SEMA4D: variants seen among roughly 807,000 people sequenced by gnomAD.
SEMA4D encodes the protein semaphorin-4D.
Under a neutral mutation model 74.8 loss-of-function variants are expected in SEMA4D, and 22 were observed. The observed-to-expected ratio is 0.29, with a 90% CI of 0.21 to 0.42. The LOEUF (loss-of-function observed/expected upper bound fraction) is 0.42, where lower values mean the gene tolerates loss of function less well. Ranked by LOEUF, SEMA4D falls within the 10% of genes least tolerant of loss-of-function variation. The probability of loss-of-function intolerance (pLI) is 1.00; values close to 1 mark genes in which losing one functional copy is unlikely to be tolerated. For missense variants in SEMA4D, 937 were observed against 1,118.4 expected, an observed-to-expected ratio of 0.84 and a Z score of 2.31; for synonymous variants, 445 against 463.7, an observed-to-expected ratio of 0.96 and a Z score of 0.52.
intron 2 of SEMA4D, chr9:89,449,441 G>A (rs563584792): frequency 7.5e-5 from 46 of 614,262 alleles, no homozygotes; most frequent in South Asian, 5.6e-4. Context: ...CTAAGTTCGC[G>A]GCTTTCGCTG....
intron 1 of SEMA4D, among the ~76,000 whole-genome samples, chr9:89,464,616 A>G (rs1353972688): frequency 6.6e-6 from 1 of 152,210 alleles, no homozygotes; most frequent in Non-Finnish European, 1.5e-5. Context: ...GACACTGAGG[A>G]CAGGGTTCAA....
chr9:89,388,615 GC>G lies in SEMA4D; in HGVS notation c.1107+20del. 2.5e-6 allele frequency: 4 copies of G among 1,584,678 alleles called. No individual in the cohort carries two copies. The highest frequency in any genetic ancestry group is 1.8e-5 in the Admixed American group (1 of 54,290). ...GGGCCTTGAAGGGAAAGCACGGCCC[GC>G]CCCCAGTGCCCCAGCTCACCGCTCC... is the stretch of plus-strand genomic sequence containing the variant. On this transcript the variant is annotated intron_variant, in intron 11 of 15. Transcript: ENST00000422704.
At chr9:89,364,687 G>A (rs1833316280) in intron 16 of SEMA4D, 1 of 154,414 alleles carries the variant, frequency 6.5e-6, no homozygotes, top group East Asian at 1.9e-4. Flanking sequence ...AAGTAGAGAG[G>A]CCAGTTACTT....
chr9:89,410,474 A>G (rs535556143), intron 2 of SEMA4D, among the ~76,000 whole-genome samples: 1 of 152,318 alleles, frequency 6.6e-6, no homozygotes, highest in South Asian at 2.1e-4. Flanking sequence ...CACAACCTGG[A>G]AAATGGAAGC....
intron 13 of SEMA4D, chr9:89,384,543 A>G (rs1837973701): frequency 1.9e-6 from 1 of 517,326 alleles, no homozygotes; most frequent in Admixed American, 6.4e-5. Flanking sequence ...GATGAAAAGC[A>G]CCCTGCAGAC....
chr9:89,410,605 A>G (rs2133909565), intron 2 of SEMA4D, among the ~76,000 whole-genome samples: 1 of 152,378 alleles, frequency 6.6e-6, no homozygotes, highest in South Asian at 2.1e-4. Flanking sequence ...TGGACGATCC[A>G]TTCAGGAGTC....
At position 89,386,497 on chromosome 9, in the gene SEMA4D, C is replaced by A. The variant is rs377195320; in HGVS notation, c.1331-15G>T. The A allele has an allele frequency of 3.1e-6, 5 of 1,596,368 alleles. No homozygotes were observed. In the African/African-American group the frequency reaches 6.7e-5, roughly 21 times the overall value. On this transcript the variant is annotated splice_polypyrimidine_tract_variant and intron_variant, in intron 12 of 15. Transcript: ENST00000422704. The stretch of plus-strand genomic sequence containing the variant: ...AGCTCCCCGGTCTGCAGGGCCAAAG[C>A]TACAGGTCAGTGACACTAACCCAGA...
chr9:89,454,376 G>C (rs1855423103), intron 2 of SEMA4D, among the ~76,000 whole-genome samples: 1 of 152,146 alleles, frequency 6.6e-6, no homozygotes, highest in Non-Finnish European at 1.5e-5. Flanking sequence ...GTGTGGACGT[G>C]GCTGAGGCTC....
At chr9:89,419,792 C>T (rs1437260214) in intron 2 of SEMA4D, among the ~76,000 whole-genome samples, 1 of 151,990 alleles carries the variant, frequency 6.6e-6, no homozygotes, top group Non-Finnish European at 1.5e-5. Context: ...TGGTGCGCAC[C>T]TGTCATCCCA....
At chr9:89,443,211 C>T (rs1010562529) in intron 2 of SEMA4D, among the ~76,000 whole-genome samples, 2 of 152,208 alleles carry the variant, frequency 1.3e-5, no homozygotes, top group African/African-American at 2.4e-5. Context: ...TGACCACCCA[C>T]ACTACCCCCC....
At chr9:89,382,301 C>A (rs1837295451) in intron 13 of SEMA4D, among the ~76,000 whole-genome samples, 1 of 152,258 alleles carries the variant, frequency 6.6e-6, no homozygotes, top group Non-Finnish European at 1.5e-5. Flanking sequence ...TCTGCCTCAA[C>A]AGCCTGGGGA....
chr9:89,377,099 G>A (rs775008220), downstream of SEMA4D: 55 of 1,496,460 alleles, frequency 3.7e-5, no homozygotes, highest in African/African-American at 2.4e-4. Flanking sequence ...GGAAGAAGTC[G>A]CCAGGAGCAC....
intron 2 of SEMA4D, among the ~76,000 whole-genome samples, chr9:89,434,674 T>C (rs968543756): frequency 6.6e-6 from 1 of 152,206 alleles, no homozygotes; most frequent in African/African-American, 2.4e-5. Flanking sequence ...GGTTCTTAAG[T>C]GAATCCTATC....
Position 89,393,554 on chromosome 9 carries a change from G to C in SEMA4D, c.508+8C>G. The C allele has an allele frequency of 6.2e-7, 1 of 1,610,160 alleles. No homozygotes were observed. Among genetic ancestry groups the C allele is most frequent in the Non-Finnish European group, 8.5e-7 (1 of 1,176,392 alleles). ...TCACGGTGAAGGAACTGGAGGGGCAGGACTCACCAACCATGACGGATGTGT... is the reference window on the plus strand; with the variant it reads ...TCACGGTGAAGGAACTGGAGGGGCACGACTCACCAACCATGACGGATGTGT... On this transcript the variant is annotated splice_region_variant and intron_variant, in intron 7 of 15. Coordinates refer to ENST00000422704, the MANE Select transcript of SEMA4D (RefSeq NM_001371194.2).
intron 1 of SEMA4D, among the ~76,000 whole-genome samples, chr9:89,478,700 G>A (rs915810680): frequency 3.3e-5 from 5 of 152,052 alleles, no homozygotes; most frequent in Admixed American, 2.6e-4. Context: ...CTTGTTAGGG[G>A]TCTGCCTCTT....
intron 13 of SEMA4D, chr9:89,385,517 C>T (rs1305658368): frequency 3.0e-6 from 3 of 985,392 alleles, no homozygotes; most frequent in Non-Finnish European, 3.6e-6. Context: ...GAACAGATGC[C>T]AGTACCCAGT....
intron 2 of SEMA4D, among the ~76,000 whole-genome samples, chr9:89,442,123 C>G (rs1354420970): frequency 1.4e-5 from 2 of 139,108 alleles, no homozygotes; most frequent in African/African-American, 2.7e-5. Flanking sequence ...TGAGCTGGGG[C>G]TGTTTCCTTC....
intron 13 of SEMA4D, chr9:89,385,865 T>TGGGGGGGGGGGGC: frequency 4.7e-6 from 1 of 213,330 alleles, no homozygotes. Context: ...CCAGCGTGGA[T>TGGGGGGGGGGGGC]GCCCGCCCAC....
rs546168649 is a variant in SEMA4D, at chr9:89,400,627, G to C, written c.253-1289C>G. On this transcript the variant is annotated intron_variant, in intron 4 of 15. Transcript: ENST00000422704. ...GATAGGGGCACACAAAAGCGGAACAGAGTCTCATTTAAAATAGCCACTTCC... is the reference window on the plus strand; with the variant it reads ...GATAGGGGCACACAAAAGCGGAACACAGTCTCATTTAAAATAGCCACTTCC... Among the ~76,000 whole-genome samples the C allele has an allele frequency of 2.0e-5, 3 of 152,320 alleles. No individual in the cohort carries two copies. In the South Asian group the frequency reaches 6.2e-4, roughly 32 times the overall value.
Sources: allele counts gnomAD v4.1 joint callset (sites outside exome capture counted in the v4.1 genomes callset), GRCh38; gene constraint gnomAD v4.1.1; transcripts MANE v1.5; gene names NCBI Gene and HGNC (gene_info 2026-07-23, HGNC 2026-07-21).